Variants in MCTP2 observed in about 807,000 individuals in gnomAD.
MCTP2 encodes the protein multiple C2 and transmembrane domain-containing protein 2.
MCTP2 carries 132 observed loss-of-function variants against 111.6 expected under a neutral mutation model. That is an observed-to-expected ratio of 1.18 (90% CI 1.03 to 1.37). The LOEUF is 1.37. Ranked by LOEUF, MCTP2 falls within the 40% of genes most tolerant of loss-of-function variation. The pLI is 0.00. For synonymous variants in MCTP2, 395 were observed against 387.7 expected, an observed-to-expected ratio of 1.02 and a Z score of -0.22; for missense variants, 1,183 against 1,067.9, an observed-to-expected ratio of 1.11 and a Z score of -1.50.
intron 12 of MCTP2, among the ~76,000 whole-genome samples, chr15:94,380,058 C>T (rs925314264): frequency 2.0e-5 from 3 of 151,916 alleles, no homozygotes; most frequent in African/African-American, 4.8e-5. Context: ...AGAAATCTTT[C>T]TGAACTTTTC....
intron 17 of MCTP2, among the ~76,000 whole-genome samples, chr15:94,431,916 AGTGTCT>A (rs1446279168): frequency 6.6e-6 from 1 of 152,158 alleles, no homozygotes; most frequent in East Asian, 1.9e-4. Context: ...GTATTCTGAA[AGTGTCT>A]GTGTCTGTGT....
intron 21 of MCTP2, among the ~76,000 whole-genome samples, chr15:94,471,802 G>A (rs2073956106): frequency 1.3e-5 from 2 of 148,260 alleles, no homozygotes; most frequent in South Asian, 4.2e-4. Context: ...TTTATATACT[G>A]AATGTTATTT....
At chr15:94,281,868 T>C (rs988336761) in intron 1 of MCTP2, among the ~76,000 whole-genome samples, 1 of 152,266 alleles carries the variant, frequency 6.6e-6, no homozygotes, top group Admixed American at 6.5e-5. Context: ...TTTTTTCATA[T>C]ACTGAATATA....
chr15:94,305,016 G>T (rs557398401), intron 2 of MCTP2, among the ~76,000 whole-genome samples: 17 of 152,256 alleles, frequency 1.1e-4, no homozygotes, highest in African/African-American at 4.1e-4. Context: ...AGGTGACTTT[G>T]TATGTCTGGG....
intron 17 of MCTP2, among the ~76,000 whole-genome samples, chr15:94,411,973 GA>G (rs1396421840): frequency 6.6e-6 from 1 of 152,044 alleles, no homozygotes; most frequent in East Asian, 1.9e-4. Flanking sequence ...TTTTGTCAAG[GA>G]AAAAACCCAA....
chr15:94,366,856 T>C (rs1193726118), intron 10 of MCTP2, among the ~76,000 whole-genome samples: 1 of 152,128 alleles, frequency 6.6e-6, no homozygotes, highest in Non-Finnish European at 1.5e-5. Flanking sequence ...AGCACCTCAG[T>C]CCCCCTTTTT....
chr15:94,464,693 AT>A (rs1420875974), intron 20 of MCTP2, among the ~76,000 whole-genome samples: 10 of 151,980 alleles, frequency 6.6e-5, no homozygotes, highest in Non-Finnish European at 1.3e-4. Context: ...CATGCCAAAC[AT>A]TTTGGCATGT....
At chr15:94,256,009 A>G (rs2072741190) in intron 1 of MCTP2, among the ~76,000 whole-genome samples, 1 of 152,188 alleles carries the variant, frequency 6.6e-6, no homozygotes, top group Non-Finnish European at 1.5e-5. Flanking sequence ...TCACAGCTCC[A>G]TTTTGGTGCT....
rs200531610 is a variant in MCTP2, at chr15:94,298,610, G to A, written c.345G>A (p.Val115=). The change falls in exon 2 of 23, where the codon GTG becomes GTA. Residue 115 remains valine, a synonymous_variant. Coordinates refer to ENST00000357742, the MANE Select transcript of MCTP2 (RefSeq NM_001385001.1). The part of the protein sequence containing the change: ...WSQEEASHLH[V]VETDSEEAYA... ...AGGAAGAAGCCAGTCACCTCCATGTGGTGGAAACAGACTCAGAGGAGGCCT... is the reference window on the plus strand; with the variant it reads ...AGGAAGAAGCCAGTCACCTCCATGTAGTGGAAACAGACTCAGAGGAGGCCT... The A allele has an allele frequency of 3.7e-6, 6 of 1,614,124 alleles. No individual in the cohort carries two copies. Among genetic ancestry groups the A allele is most frequent in the Non-Finnish European group, 4.2e-6 (5 of 1,180,010 alleles).
chr15:94,427,599 A>G (rs1488028850), intron 17 of MCTP2, among the ~76,000 whole-genome samples: 5 of 152,138 alleles, frequency 3.3e-5, no homozygotes, highest in Admixed American at 6.5e-5. Context: ...TGATTTAATC[A>G]CTTCCTGCCA....
At chr15:94,419,756 A>ATT (rs375546096) in intron 17 of MCTP2, among the ~76,000 whole-genome samples, 10,412 of 147,106 alleles carry the variant, frequency 0.071, 388 homozygotes, top group East Asian at 0.17. Context: ...CATACTGCTT[A>ATT]TTTTTTTTTT....
rs1596726993 is a variant in MCTP2, at chr15:94,442,940, G to A, written c.2230G>A (p.Glu744Lys). The A allele has an allele frequency of 1.9e-6, 3 of 1,613,288 alleles. No homozygotes were observed. Among genetic ancestry groups the A allele is most frequent in the Admixed American group, 3.3e-5 (2 of 59,958 alleles). The stretch of plus-strand genomic sequence containing the variant: ...TCAGGAGAGCACAGACATAGATGAC[G>A]AGGAGGATGAAGATGACAAGGTGCG... ...DSQESTDIDD[E>K]EDEDDKESEK... is the part of the protein sequence containing the mutation. Residue 744 changes from glutamate to lysine, a missense_variant, in exon 19 of 23, where the codon GAG becomes AAG. By Grantham distance (56) the Glu-to-Lys change is moderately conservative (BLOSUM62 1). Coordinates refer to ENST00000357742, the MANE Select transcript of MCTP2 (RefSeq NM_001385001.1).
chr15:94,452,159 T>C (rs1417549244), intron 19 of MCTP2, among the ~76,000 whole-genome samples: 1 of 152,196 alleles, frequency 6.6e-6, no homozygotes, highest in Non-Finnish European at 1.5e-5. Context: ...TGGACTTCAG[T>C]TTCCTATACA....
intron 1 of MCTP2, among the ~76,000 whole-genome samples, chr15:94,257,569 G>GTTATTTTTTTTTTTTTTTTTTT (rs2072878432): frequency 3.0e-5 from 1 of 33,822 alleles, no homozygotes; most frequent in African/African-American, 1.2e-4. Flanking sequence ...TTTCTTTGTT[G>GTTATTTTTTTTTTTTTTTTTTT]TTTTTTTTTT....
chr15:94,285,537 T>C (rs964768287), intron 1 of MCTP2, among the ~76,000 whole-genome samples: 1 of 152,140 alleles, frequency 6.6e-6, no homozygotes, highest in African/African-American at 2.4e-5. Flanking sequence ...GAATGGTACA[T>C]TAACTTCGTT....
chr15:94,332,973 A>G (rs183789598), intron 4 of MCTP2, among the ~76,000 whole-genome samples: 200 of 152,358 alleles, frequency 1.3e-3, no homozygotes, highest in African/African-American at 4.2e-3. Flanking sequence ...TTTAAATTAC[A>G]TGCCTGTAAT....
intron 17 of MCTP2, among the ~76,000 whole-genome samples, chr15:94,428,838 C>T (rs2083016874): frequency 6.6e-6 from 1 of 152,104 alleles, no homozygotes; most frequent in African/African-American, 2.4e-5. Context: ...TCACCAATAA[C>T]TCAGATCACA....
At chr15:94,245,710 G>A (rs977850357) in intron 1 of MCTP2, among the ~76,000 whole-genome samples, 1 of 143,074 alleles carries the variant, frequency 7.0e-6, no homozygotes, top group Admixed American at 7.2e-5. Context: ...ATATGTGTGT[G>A]TGTGTGTATA....
Position 94,380,103 on chromosome 15 carries a change from C to T in MCTP2, c.1583-3919C>T, listed in dbSNP as rs778349974. On this transcript the variant is annotated intron_variant, in intron 12 of 22. Transcript: ENST00000357742. Reference sequence around the variant, plus strand: ...TTACATTTCTCTGAACTTTCATGCTCTCGTCTGCATTTCACTGCTGCCCTC... The same window carrying T: ...TTACATTTCTCTGAACTTTCATGCTTTCGTCTGCATTTCACTGCTGCCCTC... 5.9e-5 allele frequency among the ~76,000 whole-genome samples: 9 copies of T among 152,080 alleles called. No individual in the cohort carries two copies. The East Asian group carries it at 1.4e-3, about 23-fold the overall frequency.
Sources: gnomAD v4.1 joint callset for allele counts (sites outside exome capture counted in the v4.1 genomes callset) on GRCh38, gnomAD v4.1.1 for gene constraint, MANE v1.5 for transcripts, NCBI Gene and HGNC (gene_info 2026-07-23, HGNC 2026-07-21) for gene names.